Variants in FBXO21 observed in about 807,000 individuals in gnomAD.
The protein encoded by FBXO21 is F-box only protein 21.
FBXO21 carries 32 observed loss-of-function variants against 76.6 expected under a neutral mutation model. That is an observed-to-expected ratio of 0.42 (90% CI 0.32 to 0.56). The LOEUF (loss-of-function observed/expected upper bound fraction) is 0.56. Ranked by LOEUF, FBXO21 falls within the 20% of genes least tolerant of loss-of-function variation. FBXO21 has a pLI of 0.16. For missense variants in FBXO21, 586 were observed against 797.3 expected (o/e 0.73, Z 3.19); for synonymous variants, 328 against 311.5 (o/e 1.05, Z -0.56).
intron 10 of FBXO21, 111 bp downstream of exon 10, chr12:117,157,762 T>C: frequency 1.1e-6 from 1 of 897,092 alleles, no homozygotes; most frequent in Non-Finnish European, 1.6e-6. Context: ...GGGGGATAAG[T>C]GATCCAGTCA....
chr12:117,174,820 G>C (rs79336420), intron 4 of FBXO21, 23 bp from the exon 5 acceptor site: 1 of 1,603,840 alleles, frequency 6.2e-7, no homozygotes, highest in Non-Finnish European at 8.5e-7. Flanking sequence ...AAGAATTACC[G>C]AATAAATTCT....
intron 11 of FBXO21, among the ~76,000 whole-genome samples, chr12:117,149,247 G>C (rs1371346194): frequency 2.6e-5 from 4 of 152,150 alleles, no homozygotes; most frequent in Non-Finnish European, 5.9e-5. Flanking sequence ...TGATCCTCCT[G>C]TCTTGGCCTC....
chr12:117,179,757 G>A (rs1475910456), intron 3 of FBXO21, among the ~76,000 whole-genome samples: 2 of 152,150 alleles, frequency 1.3e-5, no homozygotes, highest in Non-Finnish European at 2.9e-5. Flanking sequence ...TTGAGGTTAC[G>A]AAGTGGTGAT....
At chr12:117,182,886 GT>G (rs1235006520) in intron 3 of FBXO21, among the ~76,000 whole-genome samples, 1 of 152,026 alleles carries the variant, frequency 6.6e-6, no homozygotes, top group Non-Finnish European at 1.5e-5. Context: ...GAGGCCAGGA[GT>G]TTAGTAACTG....
At chr12:117,170,582 C>A (rs1309826373) in intron 7 of FBXO21, among the ~76,000 whole-genome samples, 1 of 152,284 alleles carries the variant, frequency 6.6e-6, no homozygotes, top group East Asian at 1.9e-4. Flanking sequence ...AGGGCCATAG[C>A]CCAGCAGCTC....
chr12:117,174,128 C>T, intron 6 of FBXO21, 77 bp downstream of exon 6: 1 of 1,198,228 alleles, frequency 8.3e-7, no homozygotes, highest in Non-Finnish European at 1.2e-6. Flanking sequence ...CAGAGCGAGA[C>T]CCTGTCTCTA....
chr12:117,174,060 C>T, intron 6 of FBXO21, 145 bp downstream of exon 6: 1 of 655,016 alleles, frequency 1.5e-6, no homozygotes, highest in South Asian at 2.0e-5. Context: ...TCGCCTGAGC[C>T]CAGGAGTTTG....
intron 4 of FBXO21, among the ~76,000 whole-genome samples, chr12:117,176,509 G>C (rs1956175096): frequency 6.6e-6 from 1 of 152,162 alleles, no homozygotes; most frequent in South Asian, 2.1e-4. Flanking sequence ...ATATAAAAGG[G>C]AAATCAGTTG....
chr12:117,190,144 A>C, intron 1 of FBXO21, 74 bp downstream of exon 1: 1 of 769,950 alleles, frequency 1.3e-6, no homozygotes, highest in Non-Finnish European at 1.6e-6. Context: ...GCGGGGAGCT[A>C]GCGGGGCGGC....
Position 117,155,824 on chromosome 12 carries a change from C to G in FBXO21, c.1642G>C (p.Val548Leu), listed in dbSNP as rs1955909651. 6 of 1,614,130 alleles carry G rather than the reference C, an allele frequency of 3.7e-6. No homozygotes were observed. Among genetic ancestry groups the G allele is most frequent in the Non-Finnish European group, 5.1e-6 (6 of 1,179,958 alleles). Residue 548 changes from valine (V) to leucine (L), a missense_variant, in exon 11 of 12, where the codon GTG (valine) becomes CTG (leucine). By Grantham distance (32) the Val-to-Leu change is conservative. This residue lies in a region of FBXO21 where 164 missense variants were observed against 236.7 expected (regional missense o/e 0.69). Transcript: ENST00000622495. ...GCGTATCGACAGGAGCCGTCCTCCA[C>G]CAGCACGTTATAGAAAGGCTGGTGG... ...GHHQPFYNVL[V>L]EDGSCRYAAQ...
chr12:117,160,054 G>A (rs977335099), intron 9 of FBXO21, among the ~76,000 whole-genome samples: 3 of 152,078 alleles, frequency 2.0e-5, no homozygotes, highest in African/African-American at 7.3e-5. Context: ...CTGGATTGGG[G>A]TCTATTACCC....
intron 11 of FBXO21, among the ~76,000 whole-genome samples, chr12:117,153,733 G>A (rs75242608): frequency 0.012 from 1,891 of 152,330 alleles, 12 homozygotes; most frequent in Non-Finnish European, 0.021. Flanking sequence ...GGCAGAAGAC[G>A]GGAACTCTCA....
intron 7 of FBXO21, among the ~76,000 whole-genome samples, chr12:117,170,971 A>G (rs1361539474): frequency 2.6e-5 from 4 of 152,194 alleles, no homozygotes; most frequent in African/African-American, 9.7e-5. Flanking sequence ...AAATTAAACC[A>G]TGCAGTACAT....
At chr12:117,171,337 G>A (rs1956116325) in intron 7 of FBXO21, among the ~76,000 whole-genome samples, 1 of 142,994 alleles carries the variant, frequency 7.0e-6, no homozygotes, top group African/African-American at 2.6e-5. Context: ...CAGCCTGGGT[G>A]GCACAGCCAG....
At position 117,174,288 on chromosome 12, in the gene FBXO21, T is replaced by C; in HGVS notation, c.793A>G (p.Met265Val). Residue 265 changes from methionine (M) to valine (V), a missense_variant, in exon 6 of 12, where the codon ATG becomes GTG. Met to Val is a conservative substitution (Grantham distance 21). This residue lies in a region of FBXO21 where 246 missense variants were observed against 356.8 expected (regional missense o/e 0.69). Transcript: ENST00000622495. Reference protein sequence around the residue: ...IELQSQVLDAMNYVLYDQLKF... With the variant: ...IELQSQVLDAVNYVLYDQLKF... ...AGTTGGTCGTAAAGGACATAGTTCATGGCATCCAGCACCTGGCTCTGGAGT... is the reference window on the plus strand; with the variant it reads ...AGTTGGTCGTAAAGGACATAGTTCACGGCATCCAGCACCTGGCTCTGGAGT... The C allele has an allele frequency of 6.2e-7, 1 of 1,613,764 alleles. No individual in the cohort carries two copies. The highest frequency in any genetic ancestry group is 1.1e-5 in the South Asian group (1 of 91,076).
chr12:117,180,969 CCATT>C (rs1005826908), intron 3 of FBXO21, among the ~76,000 whole-genome samples: 6 of 152,132 alleles, frequency 3.9e-5, no homozygotes, highest in African/African-American at 1.4e-4. Context: ...CCCCCACTGT[CCATT>C]CATTTTTTAA....
At chr12:117,173,228 G>A (rs376535269) in intron 6 of FBXO21, among the ~76,000 whole-genome samples, 10 of 152,082 alleles carry the variant, frequency 6.6e-5, no homozygotes, top group African/African-American at 2.4e-4. Context: ...ACAGGGTTTC[G>A]CCATGTTGGC....
intron 7 of FBXO21, among the ~76,000 whole-genome samples, chr12:117,171,357 CAAAAAA>C (rs57835444): frequency 6.6e-4 from 35 of 52,660 alleles, no homozygotes; most frequent in Non-Finnish European, 1.1e-3. Flanking sequence ...GACCCTGTCT[CAAAAAA>C]AAAAAAAAAA....
chr12:117,170,022 T>C (rs1956101325), intron 7 of FBXO21, among the ~76,000 whole-genome samples: 1 of 151,726 alleles, frequency 6.6e-6, no homozygotes, highest in Admixed American at 6.6e-5. Context: ...GGACAAATTA[T>C]TAGCACTAAC....
Sources: gnomAD v4.1 joint callset for allele counts (sites outside exome capture counted in the v4.1 genomes callset) on GRCh38, gnomAD v4.1.1 for gene constraint, gnomAD v4.1.1 regional missense constraint, MANE v1.5 for transcripts, NCBI Gene and HGNC (gene_info 2026-07-23, HGNC 2026-07-21) for gene names.